GRIK2: variants seen among roughly 807,000 people sequenced by gnomAD.
The protein encoded by GRIK2 is glutamate receptor ionotropic, kainate 2.
GRIK2 carries 32 observed loss-of-function variants against 100.3 expected under a neutral mutation model. The ratio of observed to expected loss-of-function variants is 0.32; its 90% CI spans 0.24 to 0.43. GRIK2 has a LOEUF of 0.43. Among genes scored for constraint, GRIK2 ranks in the 20% least tolerant of loss-of-function variants. GRIK2 has a pLI of 1.00. For missense variants in GRIK2, 843 were observed against 1,114.9 expected (o/e 0.76, Z 3.47); for synonymous variants, 417 against 389.4 (o/e 1.07, Z -0.83).
chr6:101,692,224 T>C (rs188810482), intron 7 of GRIK2, among the ~76,000 whole-genome samples: 4 of 152,192 alleles, frequency 2.6e-5, no homozygotes, highest in Admixed American at 2.0e-4. Context: ...TGAATATAAA[T>C]ATAAGGTTTT....
intron 2 of GRIK2, among the ~76,000 whole-genome samples, chr6:101,562,590 G>T (rs1217607304): frequency 1.3e-5 from 2 of 152,032 alleles, no homozygotes; most frequent in Non-Finnish European, 2.9e-5. Flanking sequence ...TGATCCGCCT[G>T]CCTCGGCCTC....
At chr6:101,463,559 A>G (rs1305809904) in intron 2 of GRIK2, among the ~76,000 whole-genome samples, 1 of 152,168 alleles carries the variant, frequency 6.6e-6, no homozygotes, top group Admixed American at 6.5e-5. Flanking sequence ...GTGGCAACAT[A>G]CTGCCTGGTC....
At chr6:101,403,895 C>T (rs1437888782) in intron 2 of GRIK2, among the ~76,000 whole-genome samples, 1 of 152,150 alleles carries the variant, frequency 6.6e-6, no homozygotes, top group Non-Finnish European at 1.5e-5. Flanking sequence ...GCCAACACAA[C>T]GATCACACTT....
chr6:101,886,794 C>CTAGTA (rs1786654635), intron 11 of GRIK2, among the ~76,000 whole-genome samples: 1 of 151,018 alleles, frequency 6.6e-6, no homozygotes, highest in South Asian at 2.1e-4. Context: ...AGCCCATCCC[C>CTAGTA]TAGTAACCAC....
At position 101,399,191 on chromosome 6, in the gene GRIK2, C is replaced by T; in HGVS notation, c.-87C>T. 6.6e-6 allele frequency: 5 copies of T among 760,296 alleles called. No individual in the cohort carries two copies. The highest frequency in any genetic ancestry group is 1.2e-5 in the Non-Finnish European group (5 of 411,068). 47.1% of individuals were successfully genotyped at this position (760,296 alleles called of 1,614,324 possible). ...GCCGTGATCGTGTCTGCGGTCACCA[C>T]TCGACGCATCCTCATTTCTACCCGA... On this transcript the variant is annotated 5_prime_UTR_variant, in exon 2 of 17. Transcript: ENST00000369134.
intron 15 of GRIK2, among the ~76,000 whole-genome samples, chr6:102,042,474 G>A (rs752125103): frequency 7.2e-5 from 11 of 151,742 alleles, no homozygotes; most frequent in East Asian, 1.9e-4. Context: ...TTAGTGCAGG[G>A]ACTTAGATAG....
intron 9 of GRIK2, 61 bp downstream of exon 9, chr6:101,802,499 T>G (rs940350055): frequency 1.5e-6 from 1 of 651,662 alleles, no homozygotes; most frequent in Admixed American, 2.6e-5. Flanking sequence ...AGAAGACAAA[T>G]ATTCTCTGTT....
intron 14 of GRIK2, among the ~76,000 whole-genome samples, chr6:101,958,464 T>C (rs1231444471): frequency 6.6e-6 from 1 of 152,100 alleles, no homozygotes; most frequent in Non-Finnish European, 1.5e-5. Flanking sequence ...GATTTTATCA[T>C]CAGTTAACAT....
chr6:101,889,619 T>TTTTTTTTTTTTTTTTTTTTTTTA, intron 11 of GRIK2, 21 bp from the exon 12 acceptor site: 1 of 1,101,352 alleles, frequency 9.1e-7, no homozygotes, highest in Non-Finnish European at 1.3e-6. Flanking sequence ...TTTTTTTTTT[T>TTTTTTTTTTTTTTTTTTTTTTTA]TTGTTTGTTT....
chr6:102,055,945 GA>G (rs1279531987), intron 16 of GRIK2, among the ~76,000 whole-genome samples: 1 of 151,562 alleles, frequency 6.6e-6, no homozygotes. Flanking sequence ...TAATATGAAA[GA>G]AAAAATACTC....
chr6:101,597,555 C>T (rs2128308659), intron 2 of GRIK2, among the ~76,000 whole-genome samples: 1 of 151,834 alleles, frequency 6.6e-6, no homozygotes, highest in Non-Finnish European at 1.5e-5. Context: ...ACCTCATGAG[C>T]ACAGGAATTT....
At chr6:101,441,655 G>C (rs1446695197) in intron 2 of GRIK2, among the ~76,000 whole-genome samples, 2 of 152,028 alleles carry the variant, frequency 1.3e-5, no homozygotes, top group South Asian at 2.1e-4. Flanking sequence ...TGTTAGTTTA[G>C]GTTCCAGGGG....
At chr6:101,542,266 A>T (rs1776036077) in intron 2 of GRIK2, among the ~76,000 whole-genome samples, 1 of 152,106 alleles carries the variant, frequency 6.6e-6, no homozygotes, top group Non-Finnish European at 1.5e-5. Flanking sequence ...CCATAAGAGA[A>T]TTTCAAATGC....
chr6:101,993,803 TAAC>T (rs1191001555), intron 14 of GRIK2: 5 of 148,226 alleles, frequency 3.4e-5, no homozygotes, highest in Admixed American at 6.8e-5. Flanking sequence ...ATATATATGT[TAAC>T]ATACAGAATA....
rs1222950 is a variant in GRIK2 at position 101,710,601 on chromosome 6, G to A, written c.951+24248G>A. Among the ~76,000 whole-genome samples the A allele has an allele frequency of 9.0e-3, 1,361 of 151,830 alleles. 17 individuals carry two copies. Among genetic ancestry groups the A allele is most frequent in the African/African-American group, 0.03 (1,248 of 41,454 alleles). On this transcript the variant is annotated intron_variant, in intron 7 of 16. Transcript: ENST00000369134. ...ACAAAACACTTTATAATAACTAAAG[G>A]TTTGTTTATTTGGGGCTGGCTGTAA...
intron 11 of GRIK2, among the ~76,000 whole-genome samples, chr6:101,886,683 AT>A (rs1206586286): frequency 6.6e-6 from 1 of 151,918 alleles, no homozygotes; most frequent in Non-Finnish European, 1.5e-5. Flanking sequence ...TATAATAATC[AT>A]TTTATACAAT....
At chr6:101,871,762 C>T (rs1785433676) in intron 11 of GRIK2, among the ~76,000 whole-genome samples, 1 of 151,906 alleles carries the variant, frequency 6.6e-6, no homozygotes, top group Admixed American at 6.6e-5. Context: ...ACCACATTTT[C>T]TTTATCCAAT....
At chr6:101,762,252 G>A (rs1219440057) in intron 7 of GRIK2, among the ~76,000 whole-genome samples, 1 of 151,572 alleles carries the variant, frequency 6.6e-6, no homozygotes, top group African/African-American at 2.4e-5. Context: ...ATAACTCATT[G>A]CAGCCTCAAA....
At chr6:101,419,797 T>C (rs536274189) in intron 2 of GRIK2, among the ~76,000 whole-genome samples, 13 of 152,212 alleles carry the variant, frequency 8.5e-5, no homozygotes, top group Non-Finnish European at 1.3e-4. Context: ...TTGAATGTAG[T>C]TGAATTTCAC....
Sources: allele counts gnomAD v4.1 joint callset (sites outside exome capture counted in the v4.1 genomes callset), GRCh38; gene constraint gnomAD v4.1.1; transcripts MANE v1.5; gene names NCBI Gene and HGNC (gene_info 2026-07-23, HGNC 2026-07-21).